The following MFF variants were observed in gnomAD, a reference collection of about 807,000 sequenced individuals.
MFF encodes mitochondrial fission factor.
A neutral mutation model predicts 36.9 loss-of-function variants in MFF; 12 were observed. The observed-to-expected ratio is 0.33, with a 90% confidence interval of 0.21 to 0.53. The LOEUF (loss-of-function observed/expected upper bound fraction) is 0.53, where lower values mean the gene tolerates loss of function less well. Among genes scored for constraint, MFF ranks in the 20% least tolerant of loss-of-function variants. The pLI is 0.95. For missense variants in MFF, 348 were observed against 366.6 expected, an observed-to-expected ratio of 0.95 and a Z score of 0.42; for synonymous variants, 99 against 126.2, an observed-to-expected ratio of 0.78 and a Z score of 1.44.
chr2:227,352,123 A>G, intron 6 of MFF: 1 of 168,532 alleles, frequency 5.9e-6, no homozygotes, highest in African/African-American at 2.4e-5. Flanking sequence ...GGTGCAGCTA[A>G]CCAGGTCCTG....
chr2:227,357,313 G>A lies in MFF; in HGVS notation c.*196G>A, dbSNP rs931151957. 10 of 529,602 alleles carry A rather than the reference G, an allele frequency of 1.9e-5. No homozygotes were observed. Among genetic ancestry groups the A allele is most frequent in the South Asian group, 6.2e-5 (2 of 32,076 alleles). The allele number at this position is 529,602 out of a possible 1,614,324, so 32.8% of individuals were successfully genotyped here. A position where few individuals can be genotyped will look rare whatever the true frequency, so the allele number is the denominator to read the frequency against. On this transcript the variant is annotated 3_prime_UTR_variant, in exon 9 of 9. Coordinates refer to ENST00000304593, the MANE Select transcript of MFF (RefSeq NM_001277062.2). The stretch of plus-strand genomic sequence containing the variant: ...TATTCTGTCACTCAGCTGTATTCAC[G>A]TCTGAGCAGTTCTGCAGTAACACCT...
chr2:227,328,484 A>G lies in MFF; in HGVS notation c.-152-194A>G, dbSNP rs948255839. ...TCTTTTATATTGCCTTAACTAATGA[A>G]TAGTTGTAGGACCCCATCTGTGGAA... On this transcript the variant is annotated intron_variant, in intron 1 of 8. Coordinates refer to ENST00000304593, the MANE Select transcript of MFF (RefSeq NM_001277062.2). Among the ~76,000 whole-genome samples, 5 of 152,262 alleles carry G rather than the reference A, an allele frequency of 3.3e-5. No homozygotes were observed. In the East Asian group the frequency reaches 9.6e-4, roughly 29 times the overall value.
chr2:227,345,370 T>C (rs1250062477), intron 5 of MFF, among the ~76,000 whole-genome samples: 1 of 152,234 alleles, frequency 6.6e-6, no homozygotes, highest in African/African-American at 2.4e-5. Flanking sequence ...TTGTAGCCTT[T>C]AATATGTTAG....
At chr2:227,352,696 C>T (rs1309452519) in intron 7 of MFF, 123 bp downstream of exon 7, 42 of 776,462 alleles carry the variant, frequency 5.4e-5, no homozygotes, top group South Asian at 4.0e-4. Context: ...CAGCTTTCCT[C>T]GATGAGTACA....
At chr2:227,342,697 T>A (rs948653842) in intron 5 of MFF, 4 of 1,459,174 alleles carry the variant, frequency 2.7e-6, no homozygotes, top group Middle Eastern at 1.8e-4. Flanking sequence ...GCTTTTTCTT[T>A]GTGTTATAAA....
At chr2:227,352,255 A>G (rs773355050) in intron 6 of MFF, 7 of 343,594 alleles carry the variant, frequency 2.0e-5, no homozygotes, top group Non-Finnish European at 3.7e-5. Context: ...AAATTATTTT[A>G]TATGTTGGTG....
intron 5 of MFF, among the ~76,000 whole-genome samples, chr2:227,345,107 G>A (rs2075639820): frequency 6.6e-6 from 1 of 152,140 alleles, no homozygotes; most frequent in South Asian, 2.1e-4. Context: ...TTAGTCTGAA[G>A]TAAGTTTATG....
At chr2:227,345,132 A>G (rs1218048905) in intron 5 of MFF, among the ~76,000 whole-genome samples, 1 of 152,208 alleles carries the variant, frequency 6.6e-6, no homozygotes, top group Non-Finnish European at 1.5e-5. Context: ...ACTATTTTAT[A>G]AGATGACCTC....
At chr2:227,331,285 A>G (rs548801108) in intron 3 of MFF, among the ~76,000 whole-genome samples, 1 of 152,336 alleles carries the variant, frequency 6.6e-6, no homozygotes, top group South Asian at 2.1e-4. Flanking sequence ...CATAGAGTAT[A>G]TACTCTTATC....
intron 4 of MFF, among the ~76,000 whole-genome samples, chr2:227,332,908 T>C (rs1431824627): frequency 2.0e-5 from 3 of 152,238 alleles, no homozygotes; most frequent in Admixed American, 1.3e-4. Context: ...AAGAAGTAAA[T>C]GTATCACTTT....
intron 5 of MFF, 83 bp from the exon 6 acceptor site, chr2:227,347,143 T>G (rs916140325): frequency 2.5e-6 from 3 of 1,224,368 alleles, no homozygotes; most frequent in African/African-American, 3.0e-5. Context: ...CTAAGAAAAT[T>G]AAGATAAAGA....
intron 4 of MFF, among the ~76,000 whole-genome samples, chr2:227,332,840 C>A (rs1250477362): frequency 6.6e-6 from 1 of 152,130 alleles, no homozygotes; most frequent in East Asian, 1.9e-4. Flanking sequence ...GAAGAAAGAG[C>A]CTTTATGGGT....
chr2:227,348,401 C>A (rs953995850), intron 6 of MFF, among the ~76,000 whole-genome samples: 3 of 152,114 alleles, frequency 2.0e-5, no homozygotes, highest in South Asian at 4.1e-4. Context: ...CTGAGCCTTC[C>A]CAGAGTTGAC....
chr2:227,332,580 A>G lies in MFF; in HGVS notation c.343A>G (p.Asn115Asp). 1.2e-6 allele frequency: 2 copies of G among 1,607,054 alleles called. No homozygotes were observed. Among genetic ancestry groups the G allele is most frequent in the Non-Finnish European group, 1.7e-6 (2 of 1,176,830 alleles). ...DLERPPTTPQ[N>D]EEIRAVGRLK... ...AGAAAGACCTCCTACAACCCCTCAA[A>G]ATGAAGAAGTAAGTAGAACTTTAGT... The change falls in exon 4 of 9, where the codon AAT becomes GAT. Residue 115 changes from asparagine to aspartate, a missense_variant. By Grantham distance (23) the Asn-to-Asp change is conservative (BLOSUM62 1). Coordinates refer to ENST00000304593, the MANE Select transcript of MFF (RefSeq NM_001277062.2).
Position 227,325,337 on chromosome 2 carries a change from T to C in MFF, c.-243T>C. ...GTGCTGTCCCTGGGCGCCTCCGTGCTCTCAGCCAACCACCTCTGAGAGCGC... is the reference window on the plus strand; with the variant it reads ...GTGCTGTCCCTGGGCGCCTCCGTGCCCTCAGCCAACCACCTCTGAGAGCGC... On this transcript the variant is annotated 5_prime_UTR_variant, in exon 1 of 9. Transcript: ENST00000304593. 1 of 159,792 alleles carries C rather than the reference T, an allele frequency of 6.3e-6. No individual in the cohort carries two copies. The highest frequency in any genetic ancestry group is 1.4e-5 in the Non-Finnish European group (1 of 72,070). The allele number at this position is 159,792 out of a possible 1,614,324, so 9.9% of individuals were successfully genotyped here. A position where few individuals can be genotyped will look rare whatever the true frequency, so the allele number is the denominator to read the frequency against.
intron 4 of MFF, among the ~76,000 whole-genome samples, chr2:227,336,948 T>C (rs532792832): frequency 1.3e-5 from 2 of 152,340 alleles, no homozygotes; most frequent in South Asian, 2.1e-4. Flanking sequence ...AAAAGGGTCC[T>C]GTGGAAGCTT....
intron 3 of MFF, 25 bp from the exon 4 acceptor site, chr2:227,332,391 CTTT>C (rs2074666405): frequency 6.4e-7 from 1 of 1,566,184 alleles, no homozygotes; most frequent in Non-Finnish European, 8.6e-7. Context: ...CTTTTCTCTT[CTTT>C]GTCTCTTTTC....
At chr2:227,338,030 T>C (rs2075134159) in intron 4 of MFF, among the ~76,000 whole-genome samples, 1 of 148,874 alleles carries the variant, frequency 6.7e-6, no homozygotes, top group Admixed American at 6.7e-5. Flanking sequence ...GGCAACACAA[T>C]GAGACCCTAT....
At chr2:227,332,173 C>T (rs938747177) in intron 3 of MFF, among the ~76,000 whole-genome samples, 3 of 150,740 alleles carry the variant, frequency 2.0e-5, no homozygotes, top group South Asian at 4.2e-4. Flanking sequence ...GGGGTTTCAC[C>T]GTTTTAGCCG....
Sources: gnomAD v4.1 joint callset for allele counts (sites outside exome capture counted in the v4.1 genomes callset) on GRCh38, gnomAD v4.1.1 for gene constraint, MANE v1.5 for transcripts, NCBI Gene and HGNC (gene_info 2026-07-23, HGNC 2026-07-21) for gene names.